The following BCL2 variants were observed in gnomAD, a reference collection of about 807,000 sequenced individuals.
BCL2 encodes BCL2 apoptosis regulator, also known as apoptosis regulator Bcl-2.
Under a neutral mutation model 14.2 loss-of-function variants are expected in BCL2, and 1 was observed. The observed-to-expected ratio is 0.07, with a 90% CI of 0.02 to 0.33. BCL2 has a LOEUF of 0.33. Among genes scored for constraint, BCL2 ranks in the 10% least tolerant of loss-of-function variants. The pLI is 0.99. For synonymous variants in BCL2, 151 were observed against 137.2 expected (o/e 1.10, Z -0.70); for missense variants, 247 against 305.9 (o/e 0.81, Z 1.44).
intron 2 of BCL2, among the ~76,000 whole-genome samples, chr18:63,269,493 T>C (rs34302549): frequency 2.6e-5 from 4 of 152,100 alleles, no homozygotes; most frequent in Admixed American, 1.3e-4. Context: ...GAAATAGTCA[T>C]TAAAATTTGC....
chr18:63,237,051 G>C (rs1183172355), intron 2 of BCL2, among the ~76,000 whole-genome samples: 1 of 152,114 alleles, frequency 6.6e-6, no homozygotes, highest in Non-Finnish European at 1.5e-5. Context: ...ATGTTCTCTT[G>C]CCTCTGGGAA....
chr18:63,313,738 G>A (rs1018403485), intron 2 of BCL2: 1 of 152,118 alleles, frequency 6.6e-6, no homozygotes, highest in African/African-American at 2.4e-5. Flanking sequence ...CTCATGAGTG[G>A]GCGTATCATC....
Position 63,126,376 on chromosome 18 carries a change from ACT to A in BCL2, c.*2247_*2248del. 1 of 221,786 alleles carries A rather than the reference ACT, an allele frequency of 4.5e-6. No homozygotes were observed. The highest frequency in any genetic ancestry group is 6.5e-5 in the East Asian group (1 of 15,390). The allele number at this position is 221,786 out of a possible 1,614,324, so 13.7% of individuals were successfully genotyped here. ...GTGTTGAAACAGGCCACGTAAAGCA[ACT>A]CTCTAAAGGTCAAACCACCATAGAT... On this transcript the variant is annotated 3_prime_UTR_variant, in exon 3 of 3. Transcript: ENST00000333681.
In BCL2 at chr18:63,318,002, C is replaced by G; in HGVS notation, c.585+80G>C. The G allele has an allele frequency of 6.5e-7, 1 of 1,543,970 alleles. No homozygotes were observed. Among genetic ancestry groups the G allele is most frequent in the South Asian group, 1.2e-5 (1 of 81,718 alleles). ...GCCGGCTCCACAGCCTCCCATTGCCCCAGGAGCCCACCCGCACTCCAACCC... is the reference window on the plus strand; with the variant it reads ...GCCGGCTCCACAGCCTCCCATTGCCGCAGGAGCCCACCCGCACTCCAACCC... On this transcript the variant is annotated intron_variant, in intron 2 of 2. Coordinates refer to ENST00000333681, the MANE Select transcript of BCL2 (RefSeq NM_000633.3). This position sits in a 1 kb window ranked among gnomAD's most constrained non-coding sequence, Gnocchi z 7.4.
intron 2 of BCL2, among the ~76,000 whole-genome samples, chr18:63,249,035 C>T (rs79787767): frequency 0.027 from 4,084 of 152,222 alleles, 107 homozygotes; most frequent in East Asian, 0.068. Flanking sequence ...ACTACATTCC[C>T]CAATTTCAGA....
rs141773229 is a variant in BCL2, at chr18:63,245,208, C to T, written c.585+72874G>A. Among the ~76,000 whole-genome samples, 255 of 152,302 alleles carry T rather than the reference C, an allele frequency of 1.7e-3. 2 individuals are homozygous for T. Among genetic ancestry groups the T allele is most frequent in the African/African-American group, 5.7e-3 (238 of 41,550 alleles). ...GTTTTCTTCTTAGAAATAAACTACTCAGGCCACATGACTGGTATTAGCTTC... is the reference window on the plus strand; with the variant it reads ...GTTTTCTTCTTAGAAATAAACTACTTAGGCCACATGACTGGTATTAGCTTC... On this transcript the variant is annotated intron_variant, in intron 2 of 2. Transcript: ENST00000333681.
intron 2 of BCL2, among the ~76,000 whole-genome samples, chr18:63,283,102 A>G (rs1008712893): frequency 1.3e-5 from 2 of 152,236 alleles, no homozygotes; most frequent in African/African-American, 4.8e-5. Context: ...GAAACTTTCA[A>G]GACCTATTTC....
chr18:63,158,167 G>GT (rs1204172693), intron 2 of BCL2, among the ~76,000 whole-genome samples: 1 of 152,154 alleles, frequency 6.6e-6, no homozygotes, highest in Non-Finnish European at 1.5e-5. Context: ...GACCCTCCTG[G>GT]TTTCTCAAGC....
intron 2 of BCL2, among the ~76,000 whole-genome samples, chr18:63,301,710 A>G (rs534564839): frequency 1.5e-4 from 23 of 152,374 alleles, no homozygotes; most frequent in Non-Finnish European, 3.2e-4. Flanking sequence ...CTTGGAGAAC[A>G]TTATGAATAA....
intron 2 of BCL2, among the ~76,000 whole-genome samples, chr18:63,236,184 C>T (rs1188426862): frequency 2.0e-5 from 3 of 152,224 alleles, no homozygotes; most frequent in African/African-American, 7.2e-5. Context: ...CCTCCTTCAC[C>T]TTCCACAGAT....
intron 2 of BCL2, chr18:63,317,608 T>C (rs1481284196): frequency 4.0e-6 from 4 of 999,186 alleles, no homozygotes; most frequent in African/African-American, 1.7e-5. Context: ...TCTAATCGGG[T>C]TGTTCTCCAA....
chr18:63,200,410 A>G (rs1909655946), intron 2 of BCL2, among the ~76,000 whole-genome samples: 1 of 152,246 alleles, frequency 6.6e-6, no homozygotes, highest in Non-Finnish European at 1.5e-5. Context: ...AAAAGGGGCA[A>G]TACATCTGAC....
chr18:63,213,273 G>A (rs140932273), intron 2 of BCL2, among the ~76,000 whole-genome samples: 162 of 152,246 alleles, frequency 1.1e-3, no homozygotes, highest in African/African-American at 3.4e-3. Context: ...ATATTCAAAT[G>A]TCACCAGCAT....
chr18:63,180,468 C>T (rs2144640965), intron 2 of BCL2, among the ~76,000 whole-genome samples: 1 of 152,262 alleles, frequency 6.6e-6, no homozygotes, highest in Non-Finnish European at 1.5e-5. Flanking sequence ...AGCAGCACTG[C>T]TTCCCCTGGA....
chr18:63,233,267 A>G (rs1418410593), intron 2 of BCL2, among the ~76,000 whole-genome samples: 2 of 152,232 alleles, frequency 1.3e-5, no homozygotes, highest in African/African-American at 4.8e-5. Context: ...TAACAATATA[A>G]CAGTTAAAGG....
At chr18:63,284,886 T>C (rs1912424411) in intron 2 of BCL2, among the ~76,000 whole-genome samples, 1 of 152,132 alleles carries the variant, frequency 6.6e-6, no homozygotes, top group Non-Finnish European at 1.5e-5. Flanking sequence ...GGCTACAGAC[T>C]GTGAGAATCC....
intron 2 of BCL2, among the ~76,000 whole-genome samples, chr18:63,171,894 T>C (rs944378925): frequency 1.3e-5 from 2 of 152,200 alleles, no homozygotes; most frequent in Non-Finnish European, 2.9e-5. Context: ...GGCAGAAGGA[T>C]TGCTTGAGTC....
In BCL2 at chr18:63,299,278, C is replaced by G. The variant is rs538364940; in HGVS notation, c.585+18804G>C. ...TCATTTAGTCAATATTACTGAGCAT[C>G]TATTATGTGCTTGCCTTGCGCTAAG... On this transcript the variant is annotated intron_variant, in intron 2 of 2. Coordinates refer to ENST00000333681, the MANE Select transcript of BCL2 (RefSeq NM_000633.3). Among the ~76,000 whole-genome samples the G allele has an allele frequency of 6.4e-4, 98 of 152,336 alleles. 1 individual carries two copies. The highest frequency in any genetic ancestry group is 2.2e-3 in the African/African-American group (92 of 41,568).
chr18:63,175,835 C>G (rs371919931), intron 2 of BCL2, among the ~76,000 whole-genome samples: 1 of 152,134 alleles, frequency 6.6e-6, no homozygotes, highest in Non-Finnish European at 1.5e-5. Context: ...GCCTGAGAGA[C>G]GGGCATCCTC....
Sources: allele counts gnomAD v4.1 joint callset (sites outside exome capture counted in the v4.1 genomes callset), GRCh38; gene constraint gnomAD v4.1.1; non-coding constraint Gnocchi (gnomAD v3.1); transcripts MANE v1.5; gene names NCBI Gene and HGNC (gene_info 2026-07-23, HGNC 2026-07-21).